AFG2A: variants seen among roughly 807,000 people sequenced by gnomAD.
AFG2A encodes ATPase family gene 2 protein homolog A.
the AFG2A span, among the ~76,000 whole-genome samples, chr4:123,225,931 T>G: frequency 1.3e-5 from 2 of 152,118 alleles, 1 homozygote; most frequent in South Asian, 4.1e-4. Flanking sequence ...CTTCACATCC[T>G]TTGTAAGTTG....
chr4:123,015,190 T>TC, the AFG2A span, among the ~76,000 whole-genome samples: 116 of 150,578 alleles, frequency 7.7e-4, 1 homozygote, highest in Non-Finnish European at 1.3e-3. Context: ...TTCTTTCTTT[T>TC]TTTTTTTTTT....
At chr4:123,026,782 C>G in the AFG2A span, among the ~76,000 whole-genome samples, 2 of 152,176 alleles carry the variant, frequency 1.3e-5, no homozygotes, top group Non-Finnish European at 2.9e-5. Context: ...GAATGCATCA[C>G]TCAGACCCCA....
chr4:123,081,434 A>G, the AFG2A span, among the ~76,000 whole-genome samples: 2 of 152,180 alleles, frequency 1.3e-5, no homozygotes, highest in African/African-American at 4.8e-5. Context: ...GTATGCATTT[A>G]ATATTCCTCC....
chr4:123,030,725 A>T, the AFG2A span, among the ~76,000 whole-genome samples: 1 of 152,166 alleles, frequency 6.6e-6, no homozygotes, highest in Admixed American at 6.5e-5. Context: ...TTATTTTTCA[A>T]ATTGAATATC....
At chr4:122,970,376 T>C in the AFG2A span, among the ~76,000 whole-genome samples, 2 of 152,090 alleles carry the variant, frequency 1.3e-5, no homozygotes, top group Non-Finnish European at 2.9e-5. Flanking sequence ...GACTCTTTGA[T>C]GTTTGCACAA....
chr4:123,278,030 A>G, the AFG2A span, among the ~76,000 whole-genome samples: 1 of 152,116 alleles, frequency 6.6e-6, no homozygotes. Flanking sequence ...ATTTTTTGGA[A>G]TAGTTTCGGT....
the AFG2A span, among the ~76,000 whole-genome samples, chr4:123,276,115 C>T: frequency 6.6e-6 from 1 of 152,132 alleles, no homozygotes; most frequent in African/African-American, 2.4e-5. Context: ...AGTGTATAAT[C>T]ATTCCCTTTT....
the AFG2A span, among the ~76,000 whole-genome samples, chr4:123,097,020 A>G: frequency 1.3e-5 from 2 of 152,070 alleles, no homozygotes; most frequent in Non-Finnish European, 2.9e-5. Flanking sequence ...GCTGAAGTGC[A>G]GTGTCTATTC....
chr4:123,066,624 G>T, the AFG2A span, among the ~76,000 whole-genome samples: 1 of 151,998 alleles, frequency 6.6e-6, no homozygotes, highest in Non-Finnish European at 1.5e-5. Flanking sequence ...TATTTATGAA[G>T]AATTTTTTTA....
At chr4:123,018,656 CAG>C in the AFG2A span, among the ~76,000 whole-genome samples, 1 of 150,978 alleles carries the variant, frequency 6.6e-6, no homozygotes, top group African/African-American at 2.4e-5. Flanking sequence ...TTTTTTGAGA[CAG>C]AGTCTCGCTG....
chr4:123,144,889 G>A, the AFG2A span, among the ~76,000 whole-genome samples: 1 of 152,144 alleles, frequency 6.6e-6, no homozygotes, highest in Admixed American at 6.5e-5. Flanking sequence ...TTCAGTAGAT[G>A]GACCTGTGGA....
the AFG2A span, among the ~76,000 whole-genome samples, chr4:123,040,232 A>G: frequency 3.3e-5 from 5 of 151,986 alleles, no homozygotes; most frequent in South Asian, 6.2e-4. Flanking sequence ...ATTTGTATCA[A>G]TCAATTTTTT....
the AFG2A span, among the ~76,000 whole-genome samples, chr4:122,941,955 A>T: frequency 6.6e-6 from 1 of 151,842 alleles, no homozygotes; most frequent in East Asian, 1.9e-4. Flanking sequence ...GCATATATTG[A>T]ACCAGCCTTG....
At chr4:123,163,206 C>T in the AFG2A span, among the ~76,000 whole-genome samples, 348 of 152,216 alleles carry the variant, frequency 2.3e-3, no homozygotes, top group African/African-American at 6.3e-3. Flanking sequence ...GAGGCCGAGG[C>T]GGGTGGATCA....
chr4:123,211,536 A>T, the AFG2A span, among the ~76,000 whole-genome samples: 1 of 152,196 alleles, frequency 6.6e-6, no homozygotes, highest in Non-Finnish European at 1.5e-5. Context: ...ACAACATACA[A>T]GCTGGAAAGC....
chr4:123,107,815 TCA>T, the AFG2A span, among the ~76,000 whole-genome samples: 3 of 152,324 alleles, frequency 2.0e-5, 1 homozygote, highest in African/African-American at 7.2e-5. Flanking sequence ...GGCTGGCATC[TCA>T]GTGTCTCCCT....
At chr4:123,019,078 G>A in the AFG2A span, among the ~76,000 whole-genome samples, 1 of 151,958 alleles carries the variant, frequency 6.6e-6, no homozygotes, top group South Asian at 2.1e-4. Flanking sequence ...TTTAAATAAA[G>A]TATCTAGTAT....
At chr4:122,977,366 A>T in the AFG2A span, among the ~76,000 whole-genome samples, 3 of 152,256 alleles carry the variant, frequency 2.0e-5, 1 homozygote, top group South Asian at 6.2e-4. Flanking sequence ...ACAGCCAGGC[A>T]TGCTGGCTGC....
At chr4:122,938,370 C>A in the AFG2A span, 1 of 1,111,746 alleles carries the variant, frequency 9.0e-7, no homozygotes, top group Non-Finnish European at 1.2e-6. Context: ...AAAATATTAG[C>A]CATAGCAACT....
Sources: allele counts gnomAD v4.1 joint callset (sites outside exome capture counted in the v4.1 genomes callset), GRCh38; gene constraint gnomAD v4.1.1; transcripts MANE v1.5; gene names NCBI Gene and HGNC (gene_info 2026-07-23, HGNC 2026-07-21).